Variants in CUEDC1 observed in about 807,000 individuals in gnomAD.
The protein encoded by CUEDC1 is CUE domain-containing protein 1.
A neutral mutation model predicts 43.7 loss-of-function variants in CUEDC1; 30 were observed. The observed-to-expected ratio is 0.69, with a 90% CI of 0.51 to 0.93. The LOEUF is 0.93. Among genes scored for constraint, CUEDC1 ranks in the 40% least tolerant of loss-of-function variants. CUEDC1 has a pLI of 0.00. For missense variants in CUEDC1, 486 were observed against 549.0 expected, an observed-to-expected ratio of 0.89 and a Z score of 1.15; for synonymous variants, 223 against 223.6, an observed-to-expected ratio of 1.00 and a Z score of 0.02.
intron 1 of CUEDC1, among the ~76,000 whole-genome samples, chr17:57,925,676 A>T (rs926990697): frequency 1.3e-5 from 2 of 152,162 alleles, no homozygotes; most frequent in African/African-American, 4.8e-5. Flanking sequence ...AAAAGAGATA[A>T]GCTTCACCAT....
chr17:57,929,544 G>A (rs1224738637), intron 1 of CUEDC1, among the ~76,000 whole-genome samples: 1 of 152,196 alleles, frequency 6.6e-6, no homozygotes, highest in Non-Finnish European at 1.5e-5. Context: ...CCAAGCATGT[G>A]ATCTGTGGAC....
chr17:57,946,541 CTTTAA>C (rs1204900590), intron 1 of CUEDC1, among the ~76,000 whole-genome samples: 2 of 152,094 alleles, frequency 1.3e-5, no homozygotes, highest in African/African-American at 2.4e-5. Flanking sequence ...AGTTCTCAAA[CTTTAA>C]TTTGACTTTT....
At chr17:57,885,157 G>C (rs967635404) in intron 2 of CUEDC1, 72 bp downstream of exon 2, 1 of 1,477,786 alleles carries the variant, frequency 6.8e-7, no homozygotes, top group Non-Finnish European at 9.0e-7. Flanking sequence ...GGAATTACCC[G>C]GGCCGTGCCC....
At chr17:57,944,982 C>T (rs1433788346) in intron 1 of CUEDC1, among the ~76,000 whole-genome samples, 1 of 152,232 alleles carries the variant, frequency 6.6e-6, no homozygotes, top group South Asian at 2.1e-4. Context: ...AGGGGTCACA[C>T]TGGCCTCAAC....
chr17:57,907,994 G>A (rs1367925522), intron 1 of CUEDC1, among the ~76,000 whole-genome samples: 1 of 152,100 alleles, frequency 6.6e-6, no homozygotes, highest in African/African-American at 2.4e-5. Context: ...AAACTGCCAG[G>A]GTGAGCTGAA....
intron 3 of CUEDC1, among the ~76,000 whole-genome samples, chr17:57,877,876 C>T (rs1336243750): frequency 7.6e-6 from 1 of 131,324 alleles, no homozygotes; most frequent in Non-Finnish European, 1.6e-5. Context: ...CAGAGTGAGA[C>T]TCCGACTCAA....
chr17:57,871,389 A>G lies in CUEDC1; in HGVS notation c.785-20T>C. 1.2e-6 allele frequency: 2 copies of G among 1,609,758 alleles called. No individual in the cohort carries two copies. Among genetic ancestry groups the G allele is most frequent in the East Asian group, 2.2e-5 (1 of 44,846 alleles). ...ATCGATCTGGAAAAGGACCACATTCACAGGTCAGGGAGGTTAGCTCCTGGG... is the reference window on the plus strand; with the variant it reads ...ATCGATCTGGAAAAGGACCACATTCGCAGGTCAGGGAGGTTAGCTCCTGGG... On this transcript the variant is annotated intron_variant, in intron 5 of 10. Transcript: ENST00000577830.
intron 1 of CUEDC1, among the ~76,000 whole-genome samples, chr17:57,886,882 G>A (rs1237338292): frequency 2.8e-5 from 4 of 141,666 alleles, no homozygotes; most frequent in Admixed American, 7.3e-5. Flanking sequence ...GCAGCGGCAC[G>A]ATCTCGGTTC....
chr17:57,947,683 C>T (rs1256122036), intron 1 of CUEDC1, among the ~76,000 whole-genome samples: 1 of 151,998 alleles, frequency 6.6e-6, no homozygotes, highest in Non-Finnish European at 1.5e-5. Flanking sequence ...TGTCTGTAAT[C>T]CCAGCTTCTC....
At chr17:57,893,486 T>C (rs1190518127) in intron 1 of CUEDC1, among the ~76,000 whole-genome samples, 3 of 152,196 alleles carry the variant, frequency 2.0e-5, no homozygotes, top group Non-Finnish European at 4.4e-5. Flanking sequence ...CTTTAAACGC[T>C]GAGCCTCCTG....
intron 1 of CUEDC1, among the ~76,000 whole-genome samples, chr17:57,892,202 AG>A (rs982322984): frequency 2.4e-4 from 36 of 152,168 alleles, no homozygotes; most frequent in African/African-American, 8.7e-4. Context: ...AAGATATATA[AG>A]GGAATGCGTT....
chr17:57,863,735 G>A (rs997912461), intron 10 of CUEDC1, among the ~76,000 whole-genome samples: 3 of 152,168 alleles, frequency 2.0e-5, no homozygotes, highest in Non-Finnish European at 2.9e-5. Context: ...CAGGCCAGGC[G>A]CAGTGGCTCA....
intron 1 of CUEDC1, among the ~76,000 whole-genome samples, chr17:57,951,552 G>C (rs1387665920): frequency 6.6e-6 from 1 of 152,012 alleles, no homozygotes; most frequent in East Asian, 1.9e-4. Flanking sequence ...TCCGCCTCCC[G>C]AGTTCAAATG....
At chr17:57,887,850 A>T (rs1597985628) in intron 1 of CUEDC1, among the ~76,000 whole-genome samples, 1 of 144,388 alleles carries the variant, frequency 6.9e-6, no homozygotes, top group Non-Finnish European at 1.5e-5. Context: ...ATCTGTTCAC[A>T]CTTTAGTGTG....
intron 1 of CUEDC1, among the ~76,000 whole-genome samples, chr17:57,951,905 C>A (rs1004468921): frequency 9.2e-5 from 14 of 152,322 alleles, no homozygotes; most frequent in African/African-American, 3.1e-4. Context: ...AAAGATAAGA[C>A]ATTTAGCTGC....
At chr17:57,891,300 C>G (rs2074352759) in intron 1 of CUEDC1, among the ~76,000 whole-genome samples, 2 of 152,236 alleles carry the variant, frequency 1.3e-5, no homozygotes, top group Non-Finnish European at 2.9e-5. Context: ...TGGCAACTCT[C>G]CCTGGCTCCA....
At chr17:57,952,112 C>T (rs2075012560) in intron 1 of CUEDC1, among the ~76,000 whole-genome samples, 1 of 152,226 alleles carries the variant, frequency 6.6e-6, no homozygotes, top group Admixed American at 6.5e-5. Flanking sequence ...GCAACAAGGA[C>T]TTTGCATGCC....
chr17:57,942,368 G>GT (rs924812254), intron 1 of CUEDC1, among the ~76,000 whole-genome samples: 18 of 151,898 alleles, frequency 1.2e-4, no homozygotes, highest in East Asian at 5.8e-4. Context: ...GAATTGTCTA[G>GT]TTTTTTTTCG....
intron 3 of CUEDC1, among the ~76,000 whole-genome samples, chr17:57,874,744 T>G (rs1343415757): frequency 6.6e-6 from 1 of 152,052 alleles, no homozygotes; most frequent in Non-Finnish European, 1.5e-5. Context: ...TGGCTTTGAT[T>G]TGGTCTTCAG....
Sources: gnomAD v4.1 joint callset for allele counts (sites outside exome capture counted in the v4.1 genomes callset) on GRCh38, gnomAD v4.1.1 for gene constraint, MANE v1.5 for transcripts, NCBI Gene and HGNC (gene_info 2026-07-23, HGNC 2026-07-21) for gene names.